The following PCDHGB1 variants were observed in gnomAD, a reference collection of about 807,000 sequenced individuals.
PCDHGB1 encodes the protein protocadherin gamma subfamily B, 1, also known as protocadherin gamma-B1.
In PCDHGB1, 34 loss-of-function variants were observed where a neutral mutation model predicts 56.6. That is an observed-to-expected ratio of 0.60 (90% CI 0.46 to 0.80). The LOEUF is 0.80. Among genes scored for constraint, PCDHGB1 ranks in the 30% least tolerant of loss-of-function variants. The probability of loss-of-function intolerance (pLI) is 0.00; values close to 1 mark genes in which losing one functional copy is unlikely to be tolerated. For synonymous variants in PCDHGB1, 561 were observed against 505.9 expected (o/e 1.11, Z -1.46); for missense variants, 1,278 against 1,204.6 (o/e 1.06, Z -0.90).
At chr5:141,481,180 T>C (rs1354907506) in intron 1 of PCDHGB1, among the ~76,000 whole-genome samples, 1 of 152,236 alleles carries the variant, frequency 6.6e-6, no homozygotes, top group Admixed American at 6.5e-5. Flanking sequence ...CCAGCTTTAT[T>C]GGGCCAGGCC....
chr5:141,383,880 T>A, intron 1 of PCDHGB1: 2 of 1,613,994 alleles, frequency 1.2e-6, no homozygotes, highest in Non-Finnish European at 1.7e-6. Context: ...GTCCTGGTAG[T>A]CTGACAAAGG....
chr5:141,358,051 G>A (rs1426073021), intron 1 of PCDHGB1, among the ~76,000 whole-genome samples: 5 of 152,130 alleles, frequency 3.3e-5, no homozygotes, highest in Non-Finnish European at 7.3e-5. Context: ...TTAGCTAGGC[G>A]TGGTGGTGTG....
At chr5:141,448,730 G>A (rs1419700194) in intron 1 of PCDHGB1, among the ~76,000 whole-genome samples, 1 of 152,072 alleles carries the variant, frequency 6.6e-6, no homozygotes, top group African/African-American at 2.4e-5. Context: ...CACGAGGTCA[G>A]GAGATCGAGA....
At chr5:141,374,927 G>A (rs754203986) in intron 1 of PCDHGB1, 1 of 1,613,960 alleles carries the variant, frequency 6.2e-7, no homozygotes, top group Non-Finnish European at 8.5e-7. Flanking sequence ...TTATTCCTTT[G>A]TGAAGATTAC....
At chr5:141,360,311 G>C (rs578188210) in intron 1 of PCDHGB1, 5 of 1,613,818 alleles carry the variant, frequency 3.1e-6, no homozygotes, top group Non-Finnish European at 4.2e-6. Context: ...CTCAGCGTCC[G>C]GGACTTGCCA....
At chr5:141,469,836 T>C (rs2099212875) in intron 1 of PCDHGB1, among the ~76,000 whole-genome samples, 1 of 152,064 alleles carries the variant, frequency 6.6e-6, no homozygotes, top group South Asian at 2.1e-4. Flanking sequence ...ATAAAACTTA[T>C]TCTTAAGATT....
At chr5:141,388,734 G>C in intron 1 of PCDHGB1, 1 of 1,614,018 alleles carries the variant, frequency 6.2e-7, no homozygotes, top group Non-Finnish European at 8.5e-7. Flanking sequence ...TTTCAGTGAA[G>C]CTAGCCAGAT....
At position 141,392,616 on chromosome 5, in the gene PCDHGB1, G is replaced by A. The variant is rs912385052; in HGVS notation, c.2409+39947G>A. 8 of 535,918 alleles carry A rather than the reference G, an allele frequency of 1.5e-5. No individual in the cohort carries two copies. In the South Asian group the frequency reaches 2.7e-4, roughly 18 times the overall value. The allele number at this position is 535,918 out of a possible 1,614,324, so 33.2% of individuals were successfully genotyped here. ...CACCTACTGGAAGACAAATGCAACC[G>A]AAAACACTCAGATCTCACACCTCAC... On this transcript the variant is annotated intron_variant, in intron 1 of 3. Transcript: ENST00000523390.
intron 1 of PCDHGB1, 129 bp from the exon 2 acceptor site, chr5:141,494,678 G>T: frequency 1.3e-6 from 2 of 1,554,384 alleles, no homozygotes; most frequent in East Asian, 4.7e-5. Flanking sequence ...GTCCACCCCT[G>T]CCCCCTCTTA....
At chr5:141,421,351 A>G in intron 1 of PCDHGB1, 2 of 1,613,988 alleles carry the variant, frequency 1.2e-6, no homozygotes, top group Non-Finnish European at 1.7e-6. Flanking sequence ...AGAGACCGAA[A>G]AGGGCTCCTT....
chr5:141,364,822 G>GA, intron 1 of PCDHGB1: 1 of 1,614,010 alleles, frequency 6.2e-7, no homozygotes, highest in Non-Finnish European at 8.5e-7. Flanking sequence ...ATGTGGGTGT[G>GA]AACTCTCTCC....
At position 141,432,579 on chromosome 5, in the gene PCDHGB1, G is replaced by A. The variant is rs769224543; in HGVS notation, c.2410-62228G>A. 6.2e-7 allele frequency: 1 copy of A among 1,613,860 alleles called. No homozygotes were observed. Among genetic ancestry groups the A allele is most frequent in the Non-Finnish European group, 8.5e-7 (1 of 1,179,984 alleles). On this transcript the variant is annotated intron_variant, in intron 1 of 3. Transcript: ENST00000523390. The surrounding 1 kb of genome is among the most constrained non-coding windows in gnomAD (Gnocchi z 6.0). ...GGCCAGAACGCCTGGCTGTCCTACC[G>A]TCTGCTCAAGGCCAGCGAGCCGGGA...
rs765823917 is a variant in PCDHGB1, at chr5:141,351,556, A to G, written c.1296A>G (p.Thr432=). 2.5e-6 allele frequency: 4 copies of G among 1,613,842 alleles called. 1 individual carries two copies. The highest frequency in any genetic ancestry group is 1.7e-5 in the Admixed American group (1 of 59,994). The change falls in exon 1 of 4, where the codon ACA becomes ACG. Residue 432 remains threonine (T), a synonymous_variant. Transcript: ENST00000523390. The part of the protein sequence containing the change: ...DKGKPALSSR[T]SITLHISDIN... ...GCAAACCAGCCCTTTCCTCCAGGAC[A>G]AGCATCACCCTGCACATCTCCGACA...
chr5:141,409,125 AT>A, intron 1 of PCDHGB1: 1 of 1,613,982 alleles, frequency 6.2e-7, no homozygotes, highest in Non-Finnish European at 8.5e-7. Context: ...CAGTCATTTG[AT>A]TTTGAAGATG....
chr5:141,432,495 C>G lies in PCDHGB1; in HGVS notation c.2410-62312C>G. 1.2e-6 allele frequency: 2 copies of G among 1,614,182 alleles called. No individual in the cohort carries two copies. The highest frequency in any genetic ancestry group is 1.7e-6 in the Non-Finnish European group (2 of 1,180,048). On this transcript the variant is annotated intron_variant, in intron 1 of 3. Coordinates refer to ENST00000523390, the MANE Select transcript of PCDHGB1 (RefSeq NM_018922.3). The surrounding 1 kb of genome is among the most constrained non-coding windows in gnomAD (Gnocchi z 6.0). ...GGTTCCACTGGCGTGGAGCTGGCTC[C>G]CCGCTCCGCAGAGCCCGGCTACCTG...
At position 141,478,208 on chromosome 5, in the gene PCDHGB1, C is replaced by G. The variant is rs200735608; in HGVS notation, c.2410-16599C>G. The G allele has an allele frequency of 2.5e-6, 4 of 1,614,096 alleles. No individual in the cohort carries two copies. The East Asian group carries it at 8.9e-5, about 36-fold the overall frequency. ...TCTCACCTTTTATCTACTTCTTTCTCTAATCCTGGTTTCTGTGGGGTTTGT... is the reference window on the plus strand; with the variant it reads ...TCTCACCTTTTATCTACTTCTTTCTGTAATCCTGGTTTCTGTGGGGTTTGT... On this transcript the variant is annotated intron_variant, in intron 1 of 3. Coordinates refer to ENST00000523390, the MANE Select transcript of PCDHGB1 (RefSeq NM_018922.3).
chr5:141,423,969 C>G, intron 1 of PCDHGB1: 1 of 1,147,718 alleles, frequency 8.7e-7, no homozygotes, highest in Non-Finnish European at 1.1e-6. Flanking sequence ...TTTCTATTAT[C>G]AGTGTATGAG....
intron 1 of PCDHGB1, chr5:141,365,174 C>A: frequency 6.2e-7 from 1 of 1,613,878 alleles, no homozygotes; most frequent in Non-Finnish European, 8.5e-7. Flanking sequence ...CTACTCTTTT[C>A]GCAATGAAGA....
chr5:141,433,307 C>A, intron 1 of PCDHGB1: 1 of 913,756 alleles, frequency 1.1e-6, no homozygotes, highest in Non-Finnish European at 1.6e-6. Flanking sequence ...AATTATCCCA[C>A]CTTTGCCTCC....
Sources: allele counts gnomAD v4.1 joint callset (sites outside exome capture counted in the v4.1 genomes callset), GRCh38; gene constraint gnomAD v4.1.1; non-coding constraint Gnocchi (gnomAD v3.1); transcripts MANE v1.5; gene names NCBI Gene and HGNC (gene_info 2026-07-23, HGNC 2026-07-21).